Variants in GPR84 observed in about 807,000 individuals in gnomAD.
GPR84 encodes the protein G protein-coupled receptor 84.
Under a neutral mutation model 14.9 loss-of-function variants are expected in GPR84, and 8 were observed. The observed-to-expected ratio is 0.54, with a 90% CI of 0.31 to 0.97. The LOEUF is 0.97. Among genes scored for constraint, GPR84 ranks in the 50% least tolerant of loss-of-function variants. GPR84 has a pLI of 0.04. For synonymous variants in GPR84, 164 were observed against 198.1 expected (o/e 0.83, Z 1.45); for missense variants, 424 against 498.7 (o/e 0.85, Z 1.43).
chr12:54,360,074 C>A (rs1237635534), downstream of GPR84, among the ~76,000 whole-genome samples: 2 of 152,028 alleles, frequency 1.3e-5, no homozygotes, highest in East Asian at 1.9e-4. Context: ...TACAACTCTT[C>A]AGAGTTGTCA....
downstream of GPR84, among the ~76,000 whole-genome samples, chr12:54,362,148 G>A (rs542076084): frequency 8.5e-5 from 13 of 152,326 alleles, 1 homozygote; most frequent in African/African-American, 3.1e-4. This position sits in a 1 kb window ranked among gnomAD's most constrained non-coding sequence, Gnocchi z 4.0. Flanking sequence ...AAACAAAAAG[G>A]CAGGCTAATC....
intron 1 of GPR84, 174 bp downstream of exon 1, chr12:54,364,219 C>G: frequency 5.4e-6 from 1 of 184,350 alleles, no homozygotes; most frequent in South Asian, 1.3e-4. Context: ...CCAAAGACCC[C>G]CAGGAGTCCC....
At chr12:54,354,173 G>A in the GPR84 span, among the ~76,000 whole-genome samples, 2 of 149,976 alleles carry the variant, frequency 1.3e-5, no homozygotes, top group Non-Finnish European at 3.0e-5. Context: ...GGAGTGCAGT[G>A]GCATGATCGT....
Position 54,363,151 on chromosome 12 carries a change from ATGGCCTCATCAGTCC to A in GPR84, c.686_700del (p.Arg229_Ala233del). The stretch of plus-strand genomic sequence containing the variant: ...GTCCAGCTCCTGGAAACGACCAGGC[ATGGCCTCATCAGTCC>A]TGGCCACATGGTTGGAGTGGATGCT... On this transcript the variant is annotated inframe_deletion, in exon 2 of 2. Coordinates refer to ENST00000267015, the MANE Select transcript of GPR84 (RefSeq NM_020370.3). 6.2e-7 allele frequency: 1 copy of A among 1,614,152 alleles called. No homozygotes were observed. Among genetic ancestry groups the A allele is most frequent in the Non-Finnish European group, 8.5e-7 (1 of 1,179,984 alleles).
downstream of GPR84, among the ~76,000 whole-genome samples, chr12:54,359,376 A>C (rs1408223149): frequency 7.0e-6 from 1 of 142,264 alleles, no homozygotes; most frequent in Non-Finnish European, 1.5e-5. Context: ...CGAAAGAGAG[A>C]GAGCGTGCGA....
Position 54,362,652 on chromosome 12 carries a change from G to A in GPR84, c.*9C>T, listed in dbSNP as rs908715829. On this transcript the variant is annotated 3_prime_UTR_variant, in exon 2 of 2. Coordinates refer to ENST00000267015, the MANE Select transcript of GPR84 (RefSeq NM_020370.3). The surrounding 1 kb of genome is among the most constrained non-coding windows in gnomAD (Gnocchi z 4.0). ...ACAGTCCTGAATTCTGGTGACTAGG[G>A]TCACAGTTCTAATGGAGCCTATGGA... The A allele has an allele frequency of 2.8e-5, 43 of 1,558,844 alleles. No individual in the cohort carries two copies. Among genetic ancestry groups the A allele is most frequent in the Non-Finnish European group, 3.7e-5 (42 of 1,139,510 alleles).
In GPR84 at chr12:54,362,676, G is replaced by A. The variant is rs949555548; in HGVS notation, c.1176C>T (p.Phe392=). ...GGTCACAGTTCTAATGGAGCCTATG[G>A]AAACTCCGGGGCCCTCTTTTTAAAA... ...GSILKRGPRS[F]HRLH is the part of the protein sequence containing the mutation. The change falls in exon 2 of 2, where the codon TTC becomes TTT. Residue 392 remains phenylalanine (F), a synonymous_variant. Coordinates refer to ENST00000267015, the MANE Select transcript of GPR84 (RefSeq NM_020370.3). This position sits in a 1 kb window ranked among gnomAD's most constrained non-coding sequence, Gnocchi z 4.0. The A allele has an allele frequency of 6.2e-7, 1 of 1,606,092 alleles. No homozygotes were observed. The highest frequency in any genetic ancestry group is 1.7e-5 in the Admixed American group (1 of 59,354).
At chr12:54,354,596 C>CT in the GPR84 span, among the ~76,000 whole-genome samples, 3,372 of 128,538 alleles carry the variant, frequency 0.026, 79 homozygotes, top group Middle Eastern at 0.081. Context: ...CTATGCCTAG[C>CT]TTTTTTTTTT....
At chr12:54,352,794 C>T in the GPR84 span, among the ~76,000 whole-genome samples, 1 of 152,166 alleles carries the variant, frequency 6.6e-6, no homozygotes, top group African/African-American at 2.4e-5. Context: ...ATGGGATACT[C>T]CTCAGCAGGT....
At chr12:54,362,108 G>A (rs1954275426), downstream of GPR84, among the ~76,000 whole-genome samples, 1 of 152,230 alleles carries the variant, frequency 6.6e-6, no homozygotes, top group South Asian at 2.1e-4. The surrounding 1 kb of genome is among the most constrained non-coding windows in gnomAD (Gnocchi z 4.0). Context: ...GGCAGCAGTG[G>A]TTAGGGGCAG....
the GPR84 span, chr12:54,353,570 CCT>C: frequency 6.5e-6 from 1 of 152,822 alleles, no homozygotes; most frequent in Non-Finnish European, 1.5e-5. Context: ...TCTCCCTCCC[CCT>C]GATGCCCATG....
At chr12:54,359,857 C>G (rs1954251358), downstream of GPR84, among the ~76,000 whole-genome samples, 1 of 151,766 alleles carries the variant, frequency 6.6e-6, no homozygotes, top group Non-Finnish European at 1.5e-5. Flanking sequence ...TGGGCCGTGG[C>G]GGGTGGCTGC....
the GPR84 span, among the ~76,000 whole-genome samples, chr12:54,352,971 G>T: frequency 6.6e-6 from 1 of 152,208 alleles, no homozygotes; most frequent in African/African-American, 2.4e-5. Context: ...TCACCACACA[G>T]CATTGACCTG....
chr12:54,363,770 C>A lies in GPR84; in HGVS notation c.82G>T (p.Val28Leu). 1 of 1,613,002 alleles carries A rather than the reference C, an allele frequency of 6.2e-7. No individual in the cohort carries two copies. The highest frequency in any genetic ancestry group is 8.5e-7 in the Non-Finnish European group (1 of 1,179,358). The change falls in exon 2 of 2, where the codon GTG becomes TTG. Residue 28 changes from valine to leucine, a missense_variant. Val to Leu is a conservative substitution (Grantham distance 32). Coordinates refer to ENST00000267015, the MANE Select transcript of GPR84 (RefSeq NM_020370.3). ...ACGGTGCCTGTCACAGCCACCACCA[C>A]CCCCCAGCTAACTGCAACATAACGA... is the stretch of plus-strand genomic sequence containing the variant. ...GYRYVAVSWG[V>L]VVAVTGTVGN...
At chr12:54,357,335 C>T in the GPR84 span, among the ~76,000 whole-genome samples, 6 of 152,256 alleles carry the variant, frequency 3.9e-5, no homozygotes, top group Admixed American at 2.6e-4. Context: ...GGGATGGGGG[C>T]GATGTGTGAC....
the GPR84 span, chr12:54,350,790 T>G: frequency 1.9e-6 from 1 of 538,310 alleles, no homozygotes. Flanking sequence ...TAGACTGGAT[T>G]ATGCTCACAT....
chr12:54,359,832 G>C (rs1239288312), downstream of GPR84, among the ~76,000 whole-genome samples: 11 of 152,100 alleles, frequency 7.2e-5, no homozygotes, highest in African/African-American at 1.4e-4. Flanking sequence ...GAAATTAGGG[G>C]CTGGGGTGGA....
At chr12:54,361,337 A>G (rs1201313388), downstream of GPR84, among the ~76,000 whole-genome samples, 1 of 151,756 alleles carries the variant, frequency 6.6e-6, no homozygotes, top group East Asian at 1.9e-4. This position sits in a 1 kb window ranked among gnomAD's most constrained non-coding sequence, Gnocchi z 4.3. Context: ...ACCCGCCATC[A>G]TGCCCGGTTA....
the GPR84 span, among the ~76,000 whole-genome samples, chr12:54,356,474 C>G: frequency 6.6e-6 from 1 of 152,180 alleles, no homozygotes; most frequent in Non-Finnish European, 1.5e-5. Flanking sequence ...GACTGTATAT[C>G]TTTCAGTGGA....
Sources: gnomAD v4.1 joint callset for allele counts (sites outside exome capture counted in the v4.1 genomes callset) on GRCh38, gnomAD v4.1.1 for gene constraint, Gnocchi (gnomAD v3.1) non-coding constraint, MANE v1.5 for transcripts, NCBI Gene and HGNC (gene_info 2026-07-23, HGNC 2026-07-21) for gene names.